Variants in UGT1A9 observed in about 807,000 individuals in gnomAD.
The protein encoded by UGT1A9 is UDP glucuronosyltransferase family 1 member A9.
UGT1A9 carries 35 observed loss-of-function variants against 45.0 expected under a neutral mutation model. The ratio of observed to expected loss-of-function variants is 0.78; its 90% CI spans 0.59 to 1.03. The LOEUF (loss-of-function observed/expected upper bound fraction) is 1.03, where lower values mean the gene tolerates loss of function less well. Ranked by LOEUF, UGT1A9 falls within the 50% of genes least tolerant of loss-of-function variation. UGT1A9 has a pLI of 0.00. For synonymous variants in UGT1A9, 278 were observed against 250.6 expected (o/e 1.11, Z -1.03); for missense variants, 687 against 666.6 (o/e 1.03, Z -0.34).
chr2:233,736,858 C>G (rs2078820819), intron 1 of UGT1A9, among the ~76,000 whole-genome samples: 1 of 152,192 alleles, frequency 6.6e-6, no homozygotes, highest in South Asian at 2.1e-4. Flanking sequence ...GGCTGCAGAA[C>G]AGCAAATATT....
chr2:233,728,535 G>C (rs1446157301), intron 1 of UGT1A9, among the ~76,000 whole-genome samples: 3 of 152,190 alleles, frequency 2.0e-5, no homozygotes, highest in Admixed American at 6.5e-5. Context: ...CCACTTCAGA[G>C]AGAGTCCTCT....
intron 1 of UGT1A9, among the ~76,000 whole-genome samples, chr2:233,739,452 G>A (rs115541121): frequency 6.6e-6 from 1 of 152,196 alleles, no homozygotes; most frequent in Non-Finnish European, 1.5e-5. Flanking sequence ...AAGCCACAGG[G>A]TTGGAGCTGC....
chr2:233,690,814 G>C, intron 1 of UGT1A9: 1 of 1,077,024 alleles, frequency 9.3e-7, no homozygotes, highest in Admixed American at 4.8e-5. Context: ...TCTTAGTACA[G>C]TCAAAGCTCA....
chr2:233,754,735 A>C, intron 1 of UGT1A9: 1 of 652,450 alleles, frequency 1.5e-6, no homozygotes, highest in South Asian at 1.5e-5. Flanking sequence ...TCACTACCGT[A>C]GGACATGCAG....
chr2:233,695,414 G>A (rs536315425), intron 1 of UGT1A9, among the ~76,000 whole-genome samples: 97 of 145,054 alleles, frequency 6.7e-4, no homozygotes, highest in African/African-American at 2.3e-3. Flanking sequence ...GTGAGCTACC[G>A]CGCCCGGCCT....
Position 233,671,942 on chromosome 2 carries a change from G to A in UGT1A9, c.8G>A (p.Cys3Tyr), listed in dbSNP as rs145084767. 1.1e-3 allele frequency: 1,748 copies of A among 1,610,580 alleles called. 1 individual carries two copies. The highest frequency in any genetic ancestry group is 1.8e-3 in the Admixed American group (107 of 59,832). The change falls in exon 1 of 5, where the codon TGC becomes TAC. Residue 3 changes from cysteine to tyrosine, a missense_variant. Cys to Tyr is a radical substitution (Grantham distance 194, BLOSUM62 -2). Transcript: ENST00000354728. Reference sequence around the variant, plus strand: ...CTCAGCTGCAGTTCTCTGATGGCTTGCACAGGGTGGACCAGCCCCCTTCCT... The same window carrying A: ...CTCAGCTGCAGTTCTCTGATGGCTTACACAGGGTGGACCAGCCCCCTTCCT... MA[C>Y]TGWTSPLPLC...
In UGT1A9 at chr2:233,767,076, G is replaced by A. The variant is rs770930440; in HGVS notation, c.898G>A (p.Val300Met). The A allele has an allele frequency of 8.1e-6, 13 of 1,614,020 alleles. No individual in the cohort carries two copies. The highest frequency in any genetic ancestry group is 1.6e-4 in the Middle Eastern group (1 of 6,082). ...TAATGCTTCTGGAGAACATGGAATT[G>A]TGGTTTTCTCTTTGGGATCAATGGT... is the stretch of plus-strand genomic sequence containing the variant. ...YINASGEHGI[V>M]VFSLGSMVSE... is the part of the protein sequence containing the mutation. The change falls in exon 2 of 5, where the codon GTG becomes ATG. Residue 300 changes from valine (V) to methionine (M), a missense_variant. Val to Met is a conservative substitution (Grantham distance 21). Coordinates refer to ENST00000354728, the MANE Select transcript of UGT1A9 (RefSeq NM_021027.3).
chr2:233,693,915 C>T, intron 1 of UGT1A9: 1 of 1,611,846 alleles, frequency 6.2e-7, no homozygotes, highest in South Asian at 1.1e-5. Context: ...CAGGCTCTGT[C>T]CTCCCTCACT....
At chr2:233,751,385 T>C (rs1694712496) in intron 1 of UGT1A9, among the ~76,000 whole-genome samples, 1 of 152,160 alleles carries the variant, frequency 6.6e-6, no homozygotes, top group African/African-American at 2.4e-5. Flanking sequence ...TTGCCTTGTC[T>C]CAGATAAGAC....
chr2:233,712,970 G>A, intron 1 of UGT1A9: 1 of 1,613,036 alleles, frequency 6.2e-7, no homozygotes. Flanking sequence ...TGGACAGTCA[G>A]CTGTCGGTGG....
At chr2:233,729,676 G>A in intron 1 of UGT1A9, 1 of 1,613,778 alleles carries the variant, frequency 6.2e-7, no homozygotes, top group African/African-American at 1.3e-5. Context: ...AGACTTTAAG[G>A]GCACACAGTG....
chr2:233,729,069 G>A (rs983244934), intron 1 of UGT1A9: 166 of 1,611,318 alleles, frequency 1.0e-4, no homozygotes, highest in Non-Finnish European at 1.2e-4. Flanking sequence ...GATGAAGAAA[G>A]CAAATGTAGC....
chr2:233,725,861 T>C (rs1225689926), intron 1 of UGT1A9, among the ~76,000 whole-genome samples: 2 of 152,194 alleles, frequency 1.3e-5, no homozygotes, highest in East Asian at 1.9e-4. Context: ...ATTCCCCATC[T>C]CTTTTAATTT....
chr2:233,745,071 G>A (rs981811501), intron 1 of UGT1A9, among the ~76,000 whole-genome samples: 3 of 151,782 alleles, frequency 2.0e-5, no homozygotes, highest in Admixed American at 1.3e-4. Flanking sequence ...TATTTGTATT[G>A]TTTTTTCATT....
In UGT1A9 at chr2:233,769,600, G is replaced by A. The variant is rs36059993; in HGVS notation, c.1295+1161G>A. 2,963 of 1,612,786 alleles carry A rather than the reference G, an allele frequency of 1.8e-3. 49 individuals are homozygous for A. In the African/African-American group the frequency reaches 0.035, roughly 19 times the overall value. ...GTTCAGATGAGAGGAGACGGAACAC[G>A]GGGACACACCAGCTTGAGCAAGGGA... is the stretch of plus-strand genomic sequence containing the variant. On this transcript the variant is annotated intron_variant, in intron 4 of 4. Transcript: ENST00000354728. The surrounding 1 kb of genome is among the most constrained non-coding windows in gnomAD (Gnocchi z 4.4).
At chr2:233,764,870 C>A (rs17868342) in intron 1 of UGT1A9, among the ~76,000 whole-genome samples, 19,813 of 151,898 alleles carry the variant, frequency 0.13, 1,414 homozygotes, top group East Asian at 0.2. Context: ...TAGATGAGCC[C>A]AAGGGAAAAG....
At chr2:233,726,326 A>C (rs1219361867) in intron 1 of UGT1A9, among the ~76,000 whole-genome samples, 1 of 152,188 alleles carries the variant, frequency 6.6e-6, no homozygotes, top group Non-Finnish European at 1.5e-5. Context: ...CAGGAGTTTC[A>C]GCACCTGTGG....
chr2:233,729,311 C>T (rs367893745), intron 1 of UGT1A9: 1 of 1,614,250 alleles, frequency 6.2e-7, no homozygotes, highest in South Asian at 1.1e-5. Flanking sequence ...GTGGTCCTCA[C>T]CCCAGAGGTG....
intron 1 of UGT1A9, among the ~76,000 whole-genome samples, chr2:233,706,175 G>C (rs1323395610): frequency 6.6e-6 from 1 of 152,214 alleles, no homozygotes; most frequent in African/African-American, 2.4e-5. Context: ...GGAATGTGGT[G>C]TGTCTGCCCA....
Sources: gnomAD v4.1 joint callset for allele counts (sites outside exome capture counted in the v4.1 genomes callset) on GRCh38, gnomAD v4.1.1 for gene constraint, Gnocchi (gnomAD v3.1) non-coding constraint, MANE v1.5 for transcripts, NCBI Gene and HGNC (gene_info 2026-07-23, HGNC 2026-07-21) for gene names.